ATP2B2: variants seen among roughly 807,000 people sequenced by gnomAD.
ATP2B2 encodes plasma membrane calcium-transporting ATPase 2.
ATP2B2 carries 15 observed loss-of-function variants against 120.0 expected under a neutral mutation model. That is an observed-to-expected ratio of 0.12 (90% CI 0.08 to 0.19). The LOEUF (loss-of-function observed/expected upper bound fraction) is 0.19. Among genes scored for constraint, ATP2B2 ranks in the 10% least tolerant of loss-of-function variants. ATP2B2 has a pLI of 1.00. For missense variants in ATP2B2, 1,045 were observed against 1,719.8 expected, an observed-to-expected ratio of 0.61 and a Z score of 6.94; for synonymous variants, 694 against 700.3, an observed-to-expected ratio of 0.99 and a Z score of 0.14.
At chr3:10,349,650 C>G (rs545726651) in intron 16 of ATP2B2, among the ~76,000 whole-genome samples, 1 of 152,014 alleles carries the variant, frequency 6.6e-6, no homozygotes, top group Non-Finnish European at 1.5e-5. Flanking sequence ...AGGGACCAGA[C>G]AGACCAAGAG....
intron 1 of ATP2B2, among the ~76,000 whole-genome samples, chr3:10,686,348 C>T (rs993592710): frequency 2.0e-5 from 3 of 152,210 alleles, no homozygotes; most frequent in South Asian, 2.1e-4. Context: ...AATAGTATCA[C>T]GTCTGTTTTT....
At chr3:10,563,129 T>C (rs1328910936) in intron 2 of ATP2B2, among the ~76,000 whole-genome samples, 2 of 152,240 alleles carry the variant, frequency 1.3e-5, no homozygotes, top group African/African-American at 2.4e-5. Context: ...AGGTAACTTA[T>C]ATTGAGGGTT....
At chr3:10,694,978 G>A (rs185225148) in intron 1 of ATP2B2, among the ~76,000 whole-genome samples, 3 of 152,146 alleles carry the variant, frequency 2.0e-5, no homozygotes, top group Non-Finnish European at 4.4e-5. Context: ...GGCTGCTTGT[G>A]ATTAAAAGGG....
chr3:10,420,372 T>C (rs1367633126), intron 2 of ATP2B2, among the ~76,000 whole-genome samples: 1 of 152,008 alleles, frequency 6.6e-6, no homozygotes, highest in Admixed American at 6.5e-5. Flanking sequence ...TTTTTTTTTT[T>C]TTTTTTGAGA....
At chr3:10,336,211 T>C (rs969308464) in intron 22 of ATP2B2, 1 of 1,550,524 alleles carries the variant, frequency 6.4e-7, no homozygotes, top group African/African-American at 1.4e-5. Flanking sequence ...AGAGATTGGC[T>C]ACATCCTGGC....
intron 2 of ATP2B2, among the ~76,000 whole-genome samples, chr3:10,432,973 A>G (rs185758529): frequency 1.6e-3 from 248 of 152,296 alleles, no homozygotes; most frequent in African/African-American, 5.8e-3. Context: ...CAGTATGCAG[A>G]CAGGCACCTC....
At chr3:10,396,184 A>G (rs2062029372) in intron 5 of ATP2B2, among the ~76,000 whole-genome samples, 1 of 152,250 alleles carries the variant, frequency 6.6e-6, no homozygotes, top group Non-Finnish European at 1.5e-5. Flanking sequence ...TCCAGATGCC[A>G]CATTCCTTCC....
chr3:10,647,993 AT>A (rs1280329229), intron 1 of ATP2B2, among the ~76,000 whole-genome samples: 1 of 152,228 alleles, frequency 6.6e-6, no homozygotes, highest in Non-Finnish European at 1.5e-5. Context: ...ACCTGAAAAG[AT>A]GTCAGCAAGA....
chr3:10,353,984 T>C (rs2060645540), intron 14 of ATP2B2, among the ~76,000 whole-genome samples: 1 of 152,156 alleles, frequency 6.6e-6, no homozygotes, highest in African/African-American at 2.4e-5. Flanking sequence ...TTCCCTTTTC[T>C]CTCATAAATG....
intron 2 of ATP2B2, among the ~76,000 whole-genome samples, chr3:10,438,427 G>A (rs1344002028): frequency 1.3e-5 from 2 of 152,214 alleles, no homozygotes; most frequent in South Asian, 2.1e-4. Context: ...CCAACTGCCT[G>A]CCAATCCAGT....
chr3:10,658,257 C>T (rs1177358927), intron 1 of ATP2B2, among the ~76,000 whole-genome samples: 1 of 152,198 alleles, frequency 6.6e-6, no homozygotes, highest in East Asian at 1.9e-4. Context: ...ATGACTTTGA[C>T]GAGTTGAGAG....
At chr3:10,569,347 G>A (rs2068075130) in intron 2 of ATP2B2, among the ~76,000 whole-genome samples, 1 of 152,178 alleles carries the variant, frequency 6.6e-6, no homozygotes, top group African/African-American at 2.4e-5. Flanking sequence ...TTGCAGGTGA[G>A]GAAACAGAAG....
chr3:10,509,222 G>C (rs572843948), upstream of ATP2B2, among the ~76,000 whole-genome samples: 3 of 152,304 alleles, frequency 2.0e-5, no homozygotes, highest in African/African-American at 7.2e-5. Context: ...TTAGAGGCCA[G>C]CTGTGTCTTC....
At position 10,547,382 on chromosome 3, in the gene ATP2B2, G is replaced by A. The variant is rs115408406; in HGVS notation, c.-414-13249C>T. On this transcript the variant is annotated intron_variant, in intron 2 of 21. Coordinates refer to the ATP2B2 transcript ENST00000646379. Reference sequence around the variant, plus strand: ...ATTCTATGGTAGTAAGACACAGGGGGCTGTCTTCACATTCCTGGCCCTTGA... The same window carrying A: ...ATTCTATGGTAGTAAGACACAGGGGACTGTCTTCACATTCCTGGCCCTTGA... Among the ~76,000 whole-genome samples the A allele has an allele frequency of 4.6e-3, 708 of 152,258 alleles. 12 individuals carry two copies. Among genetic ancestry groups the A allele is most frequent in the African/African-American group, 0.016 (648 of 41,524 alleles).
intron 2 of ATP2B2, among the ~76,000 whole-genome samples, chr3:10,540,614 C>G (rs1316264832): frequency 6.6e-6 from 1 of 151,084 alleles, no homozygotes; most frequent in Non-Finnish European, 1.5e-5. Context: ...CAAACTGTTG[C>G]AAGGACAGAA....
intron 3 of ATP2B2, among the ~76,000 whole-genome samples, chr3:10,409,558 G>A (rs973955396): frequency 2.0e-5 from 3 of 152,054 alleles, no homozygotes; most frequent in Non-Finnish European, 2.9e-5. Context: ...CTGTTTGACC[G>A]CATCCTGTGA....
chr3:10,465,890 C>T (rs931663863), intron 1 of ATP2B2, among the ~76,000 whole-genome samples: 6 of 152,156 alleles, frequency 3.9e-5, no homozygotes, highest in African/African-American at 1.2e-4. Context: ...TGAGTTGGTC[C>T]CTAACCACCA....
At position 10,346,073 on chromosome 3, in the gene ATP2B2, G is replaced by A. The variant is rs145037079; in HGVS notation, c.2469C>T (p.Asn823=). Residue 823 remains asparagine (N), a synonymous_variant, in exon 17 of 23, where the codon AAC becomes AAT. Transcript: ENST00000360273. This position sits in a 1 kb window ranked among gnomAD's most constrained non-coding sequence, Gnocchi z 4.1. ...QVVAVTGDGT[N]DGPALKKADV... is the part of the protein sequence containing the mutation. Reference sequence around the variant, plus strand: ...CGGCCTTCTTGAGTGCAGGCCCGTCGTTGGTCCCGTCCCCCGTCACGGCCA... The same window carrying A: ...CGGCCTTCTTGAGTGCAGGCCCGTCATTGGTCCCGTCCCCCGTCACGGCCA... 2,156 of 1,612,364 alleles carry A rather than the reference G, an allele frequency of 1.3e-3. 29 individuals are homozygous for A. Among genetic ancestry groups the A allele is most frequent in the Non-Finnish European group, 1.1e-4 (131 of 1,179,988 alleles).
chr3:10,522,257 G>T (rs868315536), intron 3 of ATP2B2, among the ~76,000 whole-genome samples: 12 of 152,130 alleles, frequency 7.9e-5, no homozygotes, highest in African/African-American at 2.9e-4. Flanking sequence ...CAGTACGTGT[G>T]TATTGCCTTT....
Sources: allele counts gnomAD v4.1 joint callset (sites outside exome capture counted in the v4.1 genomes callset), GRCh38; gene constraint gnomAD v4.1.1; non-coding constraint Gnocchi (gnomAD v3.1); transcripts MANE v1.5; gene names NCBI Gene and HGNC (gene_info 2026-07-23, HGNC 2026-07-21).